VDAC3: variants seen among roughly 807,000 people sequenced by gnomAD.
VDAC3 encodes the protein voltage dependent anion channel 3.
Under a neutral mutation model 33.9 loss-of-function variants are expected in VDAC3, and 7 were observed. The observed-to-expected ratio is 0.21, with a 90% CI of 0.12 to 0.39. The LOEUF (loss-of-function observed/expected upper bound fraction) is 0.39, where lower values mean the gene tolerates loss of function less well. VDAC3 is among the 10% of genes least tolerant of loss of function. VDAC3 has a pLI of 1.00. For synonymous variants in VDAC3, 100 were observed against 122.4 expected, an observed-to-expected ratio of 0.82 and a Z score of 1.21; for missense variants, 261 against 334.5, an observed-to-expected ratio of 0.78 and a Z score of 1.71.
rs1022617852 is a variant in VDAC3, at chr8:42,405,278, A to G, written c.761-93A>G. The stretch of plus-strand genomic sequence containing the variant: ...CTTATAGCTCGTATACCCAGCTACA[A>G]TCCACACCATTGATTCCATCTGTTG... On this transcript the variant is annotated intron_variant, in intron 9 of 9. Transcript: ENST00000022615. The G allele has an allele frequency of 6.1e-5, 64 of 1,049,700 alleles. 1 individual carries two copies. Among genetic ancestry groups the G allele is most frequent in the East Asian group, 2.4e-4 (10 of 41,450 alleles). 65.0% of individuals were successfully genotyped at this position (1,049,700 alleles called of 1,614,324 possible).
At chr8:42,405,328 G>C in intron 9 of VDAC3, 43 bp from the exon 10 acceptor site, 1 of 1,507,866 alleles carries the variant, frequency 6.6e-7, no homozygotes, top group Non-Finnish European at 9.2e-7. Context: ...AGATCTAATT[G>C]TAATACTTGT....
In VDAC3 at chr8:42,398,606, A is replaced by G. The variant is rs3817669; in HGVS notation, c.118-106A>G. 1.1e-4 allele frequency: 133 copies of G among 1,215,532 alleles called. No individual in the cohort carries two copies. The East Asian group carries it at 3.2e-3, about 29-fold the overall frequency. 75.3% of individuals were successfully genotyped at this position (1,215,532 alleles called of 1,614,324 possible). A position where few individuals can be genotyped will look rare whatever the true frequency, so the allele number is the denominator to read the frequency against. On this transcript the variant is annotated intron_variant, in intron 4 of 9. Transcript: ENST00000022615. ...GTTGCTCTAGAGTAGGGCTGTGGCAAGCAGTAAATGGTATTGTTTTTGATA... is the reference window on the plus strand; with the variant it reads ...GTTGCTCTAGAGTAGGGCTGTGGCAGGCAGTAAATGGTATTGTTTTTGATA...
intron 4 of VDAC3, among the ~76,000 whole-genome samples, chr8:42,398,430 G>A (rs940017914): frequency 1.3e-5 from 2 of 152,120 alleles, no homozygotes; most frequent in Non-Finnish European, 2.9e-5. Context: ...GTTTTGCCAT[G>A]TTGCGCAGGC....
In VDAC3 at chr8:42,395,064, T is replaced by TTGTG. The variant is rs145212549; in HGVS notation, c.68-8_68-5dup. ...TCACATTTTGTACATTACTGTGTTT[T>TTGTG]TGTGTGTGTGTGTGTATAGGCTTTG... On this transcript the variant is annotated intron_variant, in intron 3 of 9. Coordinates refer to ENST00000022615, the MANE Select transcript of VDAC3 (RefSeq NM_005662.7). The TTGTG allele has an allele frequency of 1.2e-6, 2 of 1,604,612 alleles. No individual in the cohort carries two copies. The highest frequency in any genetic ancestry group is 1.3e-5 in the African/African-American group (1 of 74,606).
chr8:42,398,392 A>G (rs1802354544), intron 4 of VDAC3, among the ~76,000 whole-genome samples: 1 of 151,972 alleles, frequency 6.6e-6, no homozygotes, highest in Non-Finnish European at 1.5e-5. Flanking sequence ...ATGCCTGGCT[A>G]ATTTTTTGTA....
chr8:42,403,577 T>C (rs1802452239), intron 8 of VDAC3, 116 bp downstream of exon 8: 2 of 1,154,640 alleles, frequency 1.7e-6, no homozygotes, highest in African/African-American at 3.1e-5. Context: ...AGCCAGCTCA[T>C]TGTGTAGTGA....
rs980958005 is a variant in VDAC3 at position 42,405,353 on chromosome 8, G to T, written c.761-18G>T. ...GTAATACTTGTTTCAAGTGATTGTG[G>T]TGTTTTCTTCTTCCTAGGAGTCAAA... On this transcript the variant is annotated intron_variant, in intron 9 of 9. Transcript: ENST00000022615. 6.3e-7 allele frequency: 1 copy of T among 1,589,616 alleles called. No homozygotes were observed. Among genetic ancestry groups the T allele is most frequent in the African/African-American group, 1.3e-5 (1 of 74,516 alleles).
chr8:42,395,657 G>C (rs1483786824), intron 4 of VDAC3, among the ~76,000 whole-genome samples: 1 of 152,146 alleles, frequency 6.6e-6, no homozygotes, highest in African/African-American at 2.4e-5. Context: ...TATTTTCAAA[G>C]TATCATTAAC....
intron 6 of VDAC3, 30 bp downstream of exon 6, chr8:42,399,733 GT>G: frequency 1.9e-6 from 3 of 1,603,916 alleles, no homozygotes; most frequent in East Asian, 2.2e-5. Flanking sequence ...TTCCTGAAAC[GT>G]TTTTGGAGCC....
chr8:42,404,396 A>G (rs1012818653), intron 8 of VDAC3, among the ~76,000 whole-genome samples: 1 of 152,170 alleles, frequency 6.6e-6, no homozygotes, highest in African/African-American at 2.4e-5. Flanking sequence ...TTCTCAGGGT[A>G]CGTCCTACCC....
Position 42,395,069 on chromosome 8 carries a change from T to C in VDAC3, c.68-15T>C. 1.2e-6 allele frequency: 2 copies of C among 1,613,912 alleles called. No homozygotes were observed. Among genetic ancestry groups the C allele is most frequent in the Non-Finnish European group, 1.7e-6 (2 of 1,179,888 alleles). ...TTTTGTACATTACTGTGTTTTTGTGTGTGTGTGTGTATAGGCTTTGGCATG... is the reference window on the plus strand; with the variant it reads ...TTTTGTACATTACTGTGTTTTTGTGCGTGTGTGTGTATAGGCTTTGGCATG... On this transcript the variant is annotated splice_polypyrimidine_tract_variant and intron_variant, in intron 3 of 9. Transcript: ENST00000022615.
intron 4 of VDAC3, 125 bp from the exon 5 acceptor site, chr8:42,398,587 C>G (rs1802358329): frequency 9.8e-7 from 1 of 1,025,032 alleles, no homozygotes; most frequent in African/African-American, 1.6e-5. Flanking sequence ...AGAAGTTGCT[C>G]TAGAGTAGGG....
chr8:42,392,722 A>G (rs540873732), intron 1 of VDAC3, among the ~76,000 whole-genome samples: 1 of 152,362 alleles, frequency 6.6e-6, no homozygotes, highest in East Asian at 1.9e-4. Context: ...AGACGTATAT[A>G]TAGTGCTTCT....
intron 6 of VDAC3, 65 bp from the exon 7 acceptor site, chr8:42,401,723 T>C: frequency 6.9e-7 from 1 of 1,457,290 alleles, no homozygotes; most frequent in Non-Finnish European, 9.6e-7. Context: ...CTCTAAAAAT[T>C]CCTAGACAGT....
At chr8:42,403,081 G>T (rs3892757) in intron 7 of VDAC3, 5 of 523,674 alleles carry the variant, frequency 9.5e-6, no homozygotes, top group Non-Finnish European at 1.7e-5. Flanking sequence ...ACATCATGTG[G>T]AGGAGCCAAG....
chr8:42,398,812 A>G lies in VDAC3; in HGVS notation c.218A>G (p.Gln73Arg). The G allele has an allele frequency of 1.2e-6, 2 of 1,614,072 alleles. No homozygotes were observed. Among genetic ancestry groups the G allele is most frequent in the Non-Finnish European group, 1.7e-6 (2 of 1,180,002 alleles). Residue 73 changes from glutamine to arginine, a missense_variant, in exon 5 of 10, where the codon CAG becomes CGG. Transcript: ENST00000022615. ...KVCNYGLTFT[Q>R]KWNTDNTLGT... ...TGTAACTATGGACTTACCTTCACCC[A>G]GAAATGGAACACAGACAATACTCTA...
chr8:42,405,048 T>G (rs1802476201), intron 9 of VDAC3, 124 bp downstream of exon 9: 1 of 877,646 alleles, frequency 1.1e-6, no homozygotes, highest in African/African-American at 1.7e-5. Context: ...AACATTTGGT[T>G]GTTCAGACAG....
At chr8:42,404,979 A>AG in intron 9 of VDAC3, 55 bp downstream of exon 9, 1 of 1,520,630 alleles carries the variant, frequency 6.6e-7, no homozygotes, top group Non-Finnish European at 9.1e-7. Flanking sequence ...TAGAGAAAAC[A>AG]ATGAAAATAA....
At chr8:42,394,960 A>G (rs998724439) in intron 3 of VDAC3, 124 bp from the exon 4 acceptor site, 5 of 1,091,470 alleles carry the variant, frequency 4.6e-6, no homozygotes, top group African/African-American at 3.1e-5. Flanking sequence ...CTCTCACCCA[A>G]TGAAAATACT....
Sources: allele counts gnomAD v4.1 joint callset (sites outside exome capture counted in the v4.1 genomes callset), GRCh38; gene constraint gnomAD v4.1.1; transcripts MANE v1.5; gene names NCBI Gene and HGNC (gene_info 2026-07-23, HGNC 2026-07-21).